Variants in ACAP2 observed in about 807,000 individuals in gnomAD.
ACAP2 encodes the protein arf-GAP with coiled-coil, ANK repeat and PH domain-containing protein 2.
ACAP2 carries 39 observed loss-of-function variants against 115.8 expected under a neutral mutation model. The ratio of observed to expected loss-of-function variants is 0.34; its 90% CI spans 0.26 to 0.44. The LOEUF (loss-of-function observed/expected upper bound fraction) is 0.44. Among genes scored for constraint, ACAP2 ranks in the 20% least tolerant of loss-of-function variants. The pLI is 1.00. For synonymous variants in ACAP2, 289 were observed against 315.8 expected (o/e 0.92, Z 0.90); for missense variants, 662 against 927.6 (o/e 0.71, Z 3.72).
intron 1 of ACAP2, among the ~76,000 whole-genome samples, chr3:195,433,908 G>C (rs551852644): frequency 2.6e-5 from 4 of 152,036 alleles, no homozygotes; most frequent in East Asian, 3.9e-4. Context: ...TGTAGGGTTT[G>C]TTTGCTTTGT....
intron 6 of ACAP2, among the ~76,000 whole-genome samples, chr3:195,337,438 C>T (rs1468681910): frequency 7.0e-6 from 1 of 143,416 alleles, no homozygotes; most frequent in African/African-American, 2.6e-5. Context: ...CACACGGCAA[C>T]CAGTCATCTT....
At chr3:195,412,006 C>T (rs1372629894) in intron 1 of ACAP2, among the ~76,000 whole-genome samples, 1 of 150,768 alleles carries the variant, frequency 6.6e-6, no homozygotes, top group Non-Finnish European at 1.5e-5. Context: ...CAGCAAAATG[C>T]TTAAGAATCT....
chr3:195,432,401 C>G (rs930855902), intron 1 of ACAP2, among the ~76,000 whole-genome samples: 1 of 152,160 alleles, frequency 6.6e-6, no homozygotes, highest in South Asian at 2.1e-4. Flanking sequence ...CATACTTTCA[C>G]GTGTGGATAT....
intron 1 of ACAP2, among the ~76,000 whole-genome samples, chr3:195,423,610 A>T (rs1714363305): frequency 7.0e-6 from 1 of 142,234 alleles, no homozygotes. Context: ...ACAACAAAGT[A>T]AGACTCCGTC....
At chr3:195,442,468 C>T (rs965034382) in intron 1 of ACAP2, among the ~76,000 whole-genome samples, 1 of 152,232 alleles carries the variant, frequency 6.6e-6, no homozygotes, top group Non-Finnish European at 1.5e-5. Context: ...AGCGAGCGCC[C>T]GCGAAGGGGA....
intron 22 of ACAP2, among the ~76,000 whole-genome samples, chr3:195,281,450 T>C (rs1726506645): frequency 6.6e-6 from 1 of 152,158 alleles, no homozygotes; most frequent in Admixed American, 6.5e-5. Flanking sequence ...TTCTAGTCAC[T>C]TTTTGTATTT....
intron 13 of ACAP2, among the ~76,000 whole-genome samples, chr3:195,305,029 A>G (rs1245728088): frequency 6.6e-6 from 1 of 152,182 alleles, no homozygotes; most frequent in Non-Finnish European, 1.5e-5. Context: ...GGGTTTTTCA[A>G]GCTCCCTGTG....
In ACAP2 at chr3:195,378,515, C is replaced by CA. The variant is rs61041295; in HGVS notation, c.285+2493dup. ...CAAAACAAAAAACAAAACAAACAAA[C>CA]AAAAAAAAACAAAAAAAATCTCTAT... On this transcript the variant is annotated intron_variant, in intron 4 of 22. Transcript: ENST00000326793. Among the ~76,000 whole-genome samples the CA allele has an allele frequency of 6.8e-3, 1,003 of 147,994 alleles. 18 individuals carry two copies. The highest frequency in any genetic ancestry group is 0.022 in the African/African-American group (904 of 40,310).
At chr3:195,380,880 C>G in intron 4 of ACAP2, 129 bp downstream of exon 4, 1 of 759,068 alleles carries the variant, frequency 1.3e-6, no homozygotes, top group South Asian at 1.7e-5. Flanking sequence ...TTAGATTCAC[C>G]CAGCTAAAAA....
intron 9 of ACAP2, among the ~76,000 whole-genome samples, chr3:195,323,424 A>G (rs552752387): frequency 2.0e-5 from 3 of 152,326 alleles, no homozygotes; most frequent in South Asian, 4.1e-4. Context: ...TAAAATAAAT[A>G]AATTTAAAGA....
intron 4 of ACAP2, among the ~76,000 whole-genome samples, chr3:195,366,194 A>C (rs575581995): frequency 6.6e-6 from 1 of 152,126 alleles, no homozygotes; most frequent in Non-Finnish European, 1.5e-5. Flanking sequence ...CCTTCCTCTA[A>C]GGCAGTGGTT....
At chr3:195,279,632 C>T in intron 22 of ACAP2, 1 of 382,180 alleles carries the variant, frequency 2.6e-6, no homozygotes, top group South Asian at 5.8e-5. Flanking sequence ...CTGAAAAAAG[C>T]ACCTCAGATG....
chr3:195,355,381 A>G (rs536797178), intron 4 of ACAP2, among the ~76,000 whole-genome samples: 33 of 150,592 alleles, frequency 2.2e-4, no homozygotes, highest in African/African-American at 8.1e-4. Context: ...AAATTCCTCA[A>G]TTCATCTACT....
At chr3:195,330,889 A>G (rs1225525414) in intron 8 of ACAP2, among the ~76,000 whole-genome samples, 1 of 152,134 alleles carries the variant, frequency 6.6e-6, no homozygotes, top group Non-Finnish European at 1.5e-5. Flanking sequence ...CCTTCTTCCC[A>G]TTAGCTGGAA....
chr3:195,300,619 A>G (rs1727984211), intron 15 of ACAP2, among the ~76,000 whole-genome samples: 1 of 152,212 alleles, frequency 6.6e-6, no homozygotes, highest in Admixed American at 6.5e-5. Context: ...AAACAACCCA[A>G]TGGTGTCAAA....
chr3:195,351,322 GC>G (rs1418105315), intron 4 of ACAP2, among the ~76,000 whole-genome samples: 1 of 151,998 alleles, frequency 6.6e-6, no homozygotes, highest in Non-Finnish European at 1.5e-5. Context: ...TCGCCATGTT[GC>G]CCAGGATGGT....
At position 195,307,324 on chromosome 3, in the gene ACAP2, C is replaced by T; in HGVS notation, c.910-1G>A. 6.2e-7 allele frequency: 1 copy of T among 1,600,716 alleles called. No homozygotes were observed. The highest frequency in any genetic ancestry group is 8.5e-7 in the Non-Finnish European group (1 of 1,172,880). ...CTTCAACTACCACAGTCGGATTATC[C>T]TATAGTGAGGAAACCAAATTTCCAT... On this transcript the variant is annotated splice_acceptor_variant, in intron 11 of 22. Coordinates refer to ENST00000326793, the MANE Select transcript of ACAP2 (RefSeq NM_012287.6). LOFTEE classifies it high-confidence loss of function.
intron 21 of ACAP2, among the ~76,000 whole-genome samples, chr3:195,287,131 G>T (rs79024154): frequency 0.026 from 3,925 of 152,266 alleles, 149 homozygotes; most frequent in African/African-American, 0.086. Flanking sequence ...TCTCCAATGA[G>T]GGGGGATAAG....
rs1577309625 is a variant in ACAP2, at chr3:195,329,223, T to C, written c.670-2264A>G. ...GATGGTTGGAGTTTGGGGGAAGGCATGAGTTGGGGAAATGTGAAGACTGGC... is the reference window on the plus strand; with the variant it reads ...GATGGTTGGAGTTTGGGGGAAGGCACGAGTTGGGGAAATGTGAAGACTGGC... On this transcript the variant is annotated intron_variant, in intron 8 of 22. Coordinates refer to ENST00000326793, the MANE Select transcript of ACAP2 (RefSeq NM_012287.6). Among the ~76,000 whole-genome samples the C allele has an allele frequency of 2.0e-5, 3 of 152,082 alleles. No homozygotes were observed. In the South Asian group the frequency reaches 6.2e-4, roughly 32 times the overall value.
Sources: allele counts gnomAD v4.1 joint callset (sites outside exome capture counted in the v4.1 genomes callset), GRCh38; gene constraint gnomAD v4.1.1; transcripts MANE v1.5; gene names NCBI Gene and HGNC (gene_info 2026-07-23, HGNC 2026-07-21).